The following SPECC1L variants were observed in gnomAD, a reference collection of about 807,000 sequenced individuals.
SPECC1L encodes the protein sperm antigen with calponin homology and coiled-coil domains 1 like.
In SPECC1L, 40 loss-of-function variants were observed where a neutral mutation model predicts 116.8. That is an observed-to-expected ratio of 0.34 (90% confidence interval 0.27 to 0.45). The LOEUF (loss-of-function observed/expected upper bound fraction) is 0.45. Among genes scored for constraint, SPECC1L ranks in the 20% least tolerant of loss-of-function variants. SPECC1L has a pLI of 1.00. For synonymous variants in SPECC1L, 504 were observed against 500.6 expected (o/e 1.01, Z -0.09); for missense variants, 1,110 against 1,373.6 (o/e 0.81, Z 3.03).
intron 3 of SPECC1L, among the ~76,000 whole-genome samples, chr22:24,312,311 T>C (rs1030251478): frequency 5.3e-5 from 8 of 152,166 alleles, no homozygotes; most frequent in African/African-American, 1.9e-4. Flanking sequence ...ATTAGAACTT[T>C]GATAATTGAA....
chr22:24,359,229 C>G (rs2041595058), intron 11 of SPECC1L, among the ~76,000 whole-genome samples: 1 of 152,112 alleles, frequency 6.6e-6, no homozygotes, highest in African/African-American at 2.4e-5. Flanking sequence ...TACTTTTGTC[C>G]CCACCAGTGT....
chr22:24,342,729 A>G (rs1569427731), intron 10 of SPECC1L, among the ~76,000 whole-genome samples: 1 of 151,804 alleles, frequency 6.6e-6, no homozygotes, highest in Non-Finnish European at 1.5e-5. Context: ...AGGACATAGC[A>G]GTAGAATCTG....
chr22:24,366,916 G>T (rs568088670), intron 13 of SPECC1L, among the ~76,000 whole-genome samples: 2 of 152,134 alleles, frequency 1.3e-5, no homozygotes, highest in East Asian at 3.9e-4. Context: ...GGAAGCAGCC[G>T]GGTGTGGTGG....
intron 3 of SPECC1L, among the ~76,000 whole-genome samples, chr22:24,311,892 A>ATAATG (rs1392932675): frequency 6.6e-6 from 1 of 150,750 alleles, no homozygotes; most frequent in African/African-American, 2.4e-5. Flanking sequence ...TCTAGATTTC[A>ATAATG]TAATGTAACA....
At chr22:24,332,718 G>T (rs1224105014) in intron 8 of SPECC1L, among the ~76,000 whole-genome samples, 32 of 148,558 alleles carry the variant, frequency 2.2e-4, no homozygotes, top group Non-Finnish European at 2.5e-4. Context: ...TTTTTTTTTT[G>T]GTTTTGGAAA....
chr22:24,295,236 T>G (rs1352599131), intron 2 of SPECC1L, among the ~76,000 whole-genome samples: 1 of 151,308 alleles, frequency 6.6e-6, no homozygotes, highest in African/African-American at 2.5e-5. Flanking sequence ...GTGTCTTCAC[T>G]CAATTAATAT....
intron 9 of SPECC1L, among the ~76,000 whole-genome samples, chr22:24,335,238 C>T (rs6004134): frequency 1.2e-3 from 188 of 152,330 alleles, no homozygotes; most frequent in African/African-American, 4.1e-3. Flanking sequence ...CAGTAACCTC[C>T]AAATTAATCT....
At chr22:24,390,880 T>C (rs1390701225) in intron 14 of SPECC1L, among the ~76,000 whole-genome samples, 37 of 118,074 alleles carry the variant, frequency 3.1e-4, no homozygotes, top group East Asian at 2.7e-3. Flanking sequence ...TTCTTTTTTT[T>C]TTTTTTTTTT....
intron 9 of SPECC1L, 76 bp from the exon 10 acceptor site, chr22:24,338,310 G>C: frequency 7.1e-7 from 1 of 1,413,546 alleles, no homozygotes; most frequent in East Asian, 2.3e-5. Flanking sequence ...GTAATCAGGC[G>C]AGTCCTTAAG....
chr22:24,304,068 A>C (rs2049440705), intron 3 of SPECC1L, among the ~76,000 whole-genome samples: 1 of 152,142 alleles, frequency 6.6e-6, no homozygotes, highest in South Asian at 2.1e-4. Context: ...TTGAGACCCC[A>C]CAGTGTTATT....
chr22:24,400,097 A>G (rs1317351191), intron 14 of SPECC1L, among the ~76,000 whole-genome samples: 3 of 152,230 alleles, frequency 2.0e-5, no homozygotes, highest in African/African-American at 7.2e-5. Flanking sequence ...TATGTAACAA[A>G]AATTTACCAT....
chr22:24,313,692 T>C (rs2040503523), intron 4 of SPECC1L, among the ~76,000 whole-genome samples: 1 of 151,928 alleles, frequency 6.6e-6, no homozygotes, highest in Non-Finnish European at 1.5e-5. Flanking sequence ...ATTCTGGACA[T>C]CATATCATTT....
chr22:24,346,843 G>A (rs938191526), intron 10 of SPECC1L, among the ~76,000 whole-genome samples: 2 of 152,144 alleles, frequency 1.3e-5, no homozygotes, highest in African/African-American at 2.4e-5. Context: ...TAAAGAGTAC[G>A]TAGGATCTCT....
chr22:24,294,749 T>C (rs1301677558), intron 2 of SPECC1L, among the ~76,000 whole-genome samples: 1 of 152,118 alleles, frequency 6.6e-6, no homozygotes, highest in Non-Finnish European at 1.5e-5. Context: ...AATTGGTGCT[T>C]GGCTTGCCTG....
intron 2 of SPECC1L, among the ~76,000 whole-genome samples, chr22:24,285,460 G>T (rs2049022601): frequency 6.6e-6 from 1 of 152,144 alleles, no homozygotes; most frequent in African/African-American, 2.4e-5. Context: ...TAGTGGAGTT[G>T]TTAGCATTTG....
chr22:24,363,565 C>G (rs776662025), intron 12 of SPECC1L, among the ~76,000 whole-genome samples: 5 of 152,116 alleles, frequency 3.3e-5, no homozygotes, highest in Admixed American at 6.6e-5. Flanking sequence ...CTGTGCTCAG[C>G]TAAAATTACC....
At chr22:24,377,170 A>C (rs2146679342) in intron 14 of SPECC1L, among the ~76,000 whole-genome samples, 1 of 152,324 alleles carries the variant, frequency 6.6e-6, no homozygotes, top group Non-Finnish European at 1.5e-5. Context: ...ATGCTGTAGC[A>C]TATACTAGTA....
At chr22:24,397,185 A>G (rs1485274940) in intron 14 of SPECC1L, among the ~76,000 whole-genome samples, 1 of 152,176 alleles carries the variant, frequency 6.6e-6, no homozygotes, top group Non-Finnish European at 1.5e-5. Context: ...CCCTCTGCCA[A>G]AACAGTATCT....
Position 24,276,722 on chromosome 22 carries a change from T to C in SPECC1L, c.-119T>C, listed in dbSNP as rs1051462426. ...TAGTGTTCTTGGGGAAGATCCCGAC[T>C]AAGCCATTTTCCAGTGGCACCTCTT... On this transcript the variant is annotated 5_prime_UTR_variant, in exon 2 of 17. Coordinates refer to ENST00000314328, the MANE Select transcript of SPECC1L (RefSeq NM_015330.6). 1 of 452,866 alleles carries C rather than the reference T, an allele frequency of 2.2e-6. No individual in the cohort carries two copies. The highest frequency in any genetic ancestry group is 4.4e-6 in the Non-Finnish European group (1 of 226,372). The allele number at this position is 452,866 out of a possible 1,614,324, so 28.1% of individuals were successfully genotyped here. A position where few individuals can be genotyped will look rare whatever the true frequency, so the allele number is the denominator to read the frequency against.
Sources: allele counts gnomAD v4.1 joint callset (sites outside exome capture counted in the v4.1 genomes callset), GRCh38; gene constraint gnomAD v4.1.1; transcripts MANE v1.5; gene names NCBI Gene and HGNC (gene_info 2026-07-23, HGNC 2026-07-21).